The following RUFY4 variants were observed in gnomAD, a reference collection of about 807,000 sequenced individuals.
RUFY4 encodes RUN and FYVE domain-containing protein 4.
A neutral mutation model predicts 69.0 loss-of-function variants in RUFY4; 73 were observed. The observed-to-expected ratio is 1.06, with a 90% CI of 0.88 to 1.29. RUFY4 has a LOEUF of 1.29. Ranked by LOEUF, RUFY4 falls within the 50% of genes most tolerant of loss-of-function variation. The pLI is 0.00. For missense variants in RUFY4, 770 were observed against 705.6 expected (o/e 1.09, Z -1.03); for synonymous variants, 287 against 271.8 (o/e 1.06, Z -0.55).
At position 218,038,943 on chromosome 2, in the gene RUFY4, C is replaced by A. The variant is rs547202984; in HGVS notation, c.-1158+3549C>A. 2.6e-5 allele frequency among the ~76,000 whole-genome samples: 4 copies of A among 152,144 alleles called. No homozygotes were observed. In the East Asian group the frequency reaches 7.8e-4, roughly 29 times the overall value. ...CAGTCTTCTCCTTGACCTTCATTAGCAAAAATCATATCCTTGGCCACCACT... is the reference window on the plus strand; with the variant it reads ...CAGTCTTCTCCTTGACCTTCATTAGAAAAAATCATATCCTTGGCCACCACT... On this transcript the variant is annotated intron_variant and NMD_transcript_variant, in intron 2 of 13. Coordinates refer to the RUFY4 transcript ENST00000457754.
chr2:218,052,124 T>G (rs74677386), intron 2 of RUFY4, among the ~76,000 whole-genome samples: 180 of 152,342 alleles, frequency 1.2e-3, no homozygotes, highest in African/African-American at 4.3e-3. Flanking sequence ...TCTTCTTCCT[T>G]GAAAAGATAC....
chr2:218,056,326 C>A (rs998435381), intron 2 of RUFY4, among the ~76,000 whole-genome samples: 1 of 151,796 alleles, frequency 6.6e-6, no homozygotes, highest in Non-Finnish European at 1.5e-5. Context: ...AATGTTAGCC[C>A]CACACTTCAA....
chr2:218,055,863 T>C (rs1007156464), intron 2 of RUFY4, among the ~76,000 whole-genome samples: 2 of 152,198 alleles, frequency 1.3e-5, no homozygotes, highest in African/African-American at 4.8e-5. Flanking sequence ...ACCGTCAAAA[T>C]ACAACTCCAT....
intron 9 of RUFY4, among the ~76,000 whole-genome samples, chr2:218,087,882 T>C (rs1033646328): frequency 6.6e-6 from 1 of 151,950 alleles, no homozygotes; most frequent in Non-Finnish European, 1.5e-5. Context: ...AAAATAGGAA[T>C]ATAACTATGT....
At chr2:218,069,933 G>A (rs898113716), upstream of RUFY4, among the ~76,000 whole-genome samples, 3 of 152,102 alleles carry the variant, frequency 2.0e-5, no homozygotes, top group African/African-American at 7.2e-5. Context: ...TTACAACCAG[G>A]CGCCCTGCTC....
At chr2:218,080,659 C>G (rs1285770094) in intron 8 of RUFY4, among the ~76,000 whole-genome samples, 1 of 152,208 alleles carries the variant, frequency 6.6e-6, no homozygotes, top group Non-Finnish European at 1.5e-5. Context: ...CCAAAGAGGT[C>G]CTCAGGATGG....
At chr2:218,075,287 G>A in exon 7 of RUFY4, 1 of 1,601,280 alleles carries the variant, frequency 6.2e-7, no homozygotes, top group Non-Finnish European at 8.5e-7. Flanking sequence ...CCCAGAGCAT[G>A]TGGGAGCCAG....
At position 218,072,518 on chromosome 2, in the gene RUFY4, C is replaced by A; in HGVS notation, c.279+19C>A. The A allele has an allele frequency of 6.5e-7, 1 of 1,535,952 alleles. No individual in the cohort carries two copies. The highest frequency in any genetic ancestry group is 2.0e-4 in the Middle Eastern group (1 of 5,090). ...GGACAAGGTATCCAGGGCCAGGCAG[C>A]AAGAAGGCTGACGGGGTGGGGGTAG... On this transcript the variant is annotated intron_variant, in intron 3 of 10. Coordinates refer to ENST00000344321, the Ensembl canonical transcript of RUFY4.
chr2:218,046,103 C>G (rs1688822438), intron 2 of RUFY4, among the ~76,000 whole-genome samples: 1 of 152,054 alleles, frequency 6.6e-6, no homozygotes, highest in Admixed American at 6.5e-5. Context: ...CCGAGCCCAG[C>G]CCATAGTGAT....
chr2:218,035,576 C>T (rs1958963224), intron 2 of RUFY4, among the ~76,000 whole-genome samples: 1 of 152,194 alleles, frequency 6.6e-6, no homozygotes, highest in Non-Finnish European at 1.5e-5. Flanking sequence ...TGCCACGCCA[C>T]CCCAAACTCC....
chr2:218,046,080 C>T (rs1688821614), intron 2 of RUFY4, among the ~76,000 whole-genome samples: 1 of 152,070 alleles, frequency 6.6e-6, no homozygotes, highest in African/African-American at 2.4e-5. Flanking sequence ...GCTGGGATTA[C>T]AGGCGTGAGC....
At chr2:218,038,846 G>T (rs1228266923) in intron 2 of RUFY4, among the ~76,000 whole-genome samples, 1 of 152,140 alleles carries the variant, frequency 6.6e-6, no homozygotes, top group East Asian at 1.9e-4. Context: ...GAAAGAAAAG[G>T]GAGAGAGGGT....
intron 3 of RUFY4, among the ~76,000 whole-genome samples, chr2:218,063,384 G>T (rs184995181): frequency 6.6e-6 from 1 of 152,220 alleles, no homozygotes; most frequent in Non-Finnish European, 1.5e-5. Context: ...AACAATGTGG[G>T]TGAGGAAGTG....
chr2:218,076,507 G>A (rs1157386009), exon 8 of RUFY4: 1 of 1,550,780 alleles, frequency 6.4e-7, no homozygotes, highest in Non-Finnish European at 8.7e-7. Context: ...AGGGGGAGCT[G>A]CAGGCACTTC....
chr2:218,066,169 T>A (rs532865492), upstream of RUFY4, among the ~76,000 whole-genome samples: 55 of 138,736 alleles, frequency 4.0e-4, no homozygotes, highest in African/African-American at 1.4e-3. Flanking sequence ...ACTGTCATCT[T>A]TTCTTTTCTT....
exon 2 of RUFY4, chr2:218,035,362 G>A (rs547936137): frequency 6.6e-6 from 1 of 152,494 alleles, no homozygotes; most frequent in Non-Finnish European, 1.5e-5. Context: ...CCAATCTTTG[G>A]TCTACAGGTG....
intron 2 of RUFY4, among the ~76,000 whole-genome samples, chr2:218,040,223 G>C (rs1017225310): frequency 6.6e-6 from 1 of 152,206 alleles, no homozygotes; most frequent in Non-Finnish European, 1.5e-5. Flanking sequence ...TGGTCATATG[G>C]ACCCTGGCAG....
chr2:218,072,372 A>G lies in RUFY4; in HGVS notation c.154-2A>G. ...ACTTTCTTTGCCTCATTTTGGTTCT[A>G]GTTTGACCAGAAAGAGCAGAAGAGC... On this transcript the variant is annotated splice_acceptor_variant, in intron 2 of 10. Transcript: ENST00000344321. LOFTEE classifies it high-confidence loss of function. The G allele has an allele frequency of 1.3e-6, 2 of 1,537,164 alleles. No individual in the cohort carries two copies. The highest frequency in any genetic ancestry group is 1.7e-6 in the Non-Finnish European group (2 of 1,146,822).
At chr2:218,064,284 T>C (rs1689269993), upstream of RUFY4, among the ~76,000 whole-genome samples, 1 of 151,394 alleles carries the variant, frequency 6.6e-6, no homozygotes, top group African/African-American at 2.4e-5. Context: ...AACCTTCAGC[T>C]CCTGGTTACA....
Sources: allele counts gnomAD v4.1 joint callset (sites outside exome capture counted in the v4.1 genomes callset), GRCh38; gene constraint gnomAD v4.1.1; transcripts MANE v1.5; gene names NCBI Gene and HGNC (gene_info 2026-07-23, HGNC 2026-07-21).